The following GPC5 variants were observed in gnomAD, a reference collection of about 807,000 sequenced individuals.
The protein encoded by GPC5 is glypican 5.
In GPC5, 47 loss-of-function variants were observed where a neutral mutation model predicts 53.9. The observed-to-expected ratio is 0.87, with a 90% CI of 0.69 to 1.11. GPC5 has a LOEUF of 1.11. Ranked by LOEUF, GPC5 falls within the 50% of genes most tolerant of loss-of-function variation. The pLI is 0.00. For synonymous variants in GPC5, 286 were observed against 263.3 expected, an observed-to-expected ratio of 1.09 and a Z score of -0.84; for missense variants, 748 against 713.1, an observed-to-expected ratio of 1.05 and a Z score of -0.56.
At chr13:92,233,723 A>G (rs898688459) in intron 7 of GPC5, among the ~76,000 whole-genome samples, 4 of 152,174 alleles carry the variant, frequency 2.6e-5, no homozygotes, top group Non-Finnish European at 4.4e-5. Flanking sequence ...TGAGTTACAT[A>G]TGTATACATG....
At chr13:91,899,483 G>C (rs996628628) in intron 5 of GPC5, among the ~76,000 whole-genome samples, 7 of 151,992 alleles carry the variant, frequency 4.6e-5, no homozygotes, top group African/African-American at 1.2e-4. Context: ...GAAGTTCAAG[G>C]GAATATCTGT....
rs2040141240 is a variant in GPC5, at chr13:91,963,074, T to C, written c.1401+55017T>C. ...TGAATCCTGTTTCTACTGGTTACTA[T>C]GTGTCTTTGGGCAGTTACTTAATAT... On this transcript the variant is annotated intron_variant, in intron 6 of 7. Coordinates refer to ENST00000377067, the MANE Select transcript of GPC5 (RefSeq NM_004466.6). Among the ~76,000 whole-genome samples the C allele has an allele frequency of 2.0e-5, 3 of 152,166 alleles. No individual in the cohort carries two copies. In the South Asian group the frequency reaches 6.2e-4, roughly 31 times the overall value.
At chr13:92,816,021 A>C (rs1877460665) in intron 7 of GPC5, among the ~76,000 whole-genome samples, 1 of 151,878 alleles carries the variant, frequency 6.6e-6, no homozygotes, top group Non-Finnish European at 1.5e-5. Context: ...CAGAGCTATA[A>C]ATATAATTTG....
chr13:92,373,578 G>T (rs182496518), intron 7 of GPC5, among the ~76,000 whole-genome samples: 30 of 152,258 alleles, frequency 2.0e-4, no homozygotes, highest in Non-Finnish European at 2.9e-4. Flanking sequence ...TTGTTTTCTG[G>T]TAGATGCTTT....
intron 5 of GPC5, among the ~76,000 whole-genome samples, chr13:91,907,503 T>TATATATATATATATATATATA (rs2039566577): frequency 7.7e-6 from 1 of 129,554 alleles, no homozygotes; most frequent in African/African-American, 3.0e-5. Flanking sequence ...CTCTCTCTCT[T>TATATATATATATATATATATA]TATATATATA....
intron 7 of GPC5, among the ~76,000 whole-genome samples, chr13:92,628,264 C>CTTTTTTTTTTTTTTT (rs71123419): frequency 0.011 from 478 of 45,370 alleles, 46 homozygotes; most frequent in South Asian, 0.019. Flanking sequence ...CTTTTTCTTT[C>CTTTTTTTTTTTTTTT]TTTTTTTTTT....
At chr13:92,379,007 A>G (rs1344299434) in intron 7 of GPC5, among the ~76,000 whole-genome samples, 3 of 152,348 alleles carry the variant, frequency 2.0e-5, no homozygotes, top group East Asian at 1.9e-4. Flanking sequence ...TAATAAATGT[A>G]TAAAGGTGTG....
rs111448425 is a variant in GPC5, at chr13:92,106,246, T to A, written c.1402-38584T>A. ...TAAATATGTGAGGATCTCCTAAAAA[T>A]CTAAAAAAGATGGACCCCCAATTTC... is the stretch of plus-strand genomic sequence containing the variant. On this transcript the variant is annotated intron_variant, in intron 6 of 7. Transcript: ENST00000377067. Among the ~76,000 whole-genome samples, 511 of 151,922 alleles carry A rather than the reference T, an allele frequency of 3.4e-3. 2 individuals are homozygous for A. The highest frequency in any genetic ancestry group is 0.012 in the African/African-American group (488 of 41,480).
chr13:92,170,688 G>A (rs1357877496), intron 7 of GPC5, among the ~76,000 whole-genome samples: 1 of 152,040 alleles, frequency 6.6e-6, no homozygotes, highest in Non-Finnish European at 1.5e-5. Flanking sequence ...ACCTCCCAAA[G>A]TGCTGGGATT....
intron 3 of GPC5, among the ~76,000 whole-genome samples, chr13:91,728,097 A>G (rs2036613289): frequency 1.3e-5 from 2 of 152,182 alleles, no homozygotes; most frequent in South Asian, 4.1e-4. Flanking sequence ...AGAAAACTAC[A>G]AAGATATTTG....
chr13:92,641,382 AT>A (rs1885590002), intron 7 of GPC5, among the ~76,000 whole-genome samples: 1 of 152,174 alleles, frequency 6.6e-6, no homozygotes, highest in African/African-American at 2.4e-5. Context: ...ACTAGCCTGA[AT>A]TTTTCAAAAC....
Position 92,106,731 on chromosome 13 carries a change from G to A in GPC5, c.1402-38099G>A, listed in dbSNP as rs2041513410. On this transcript the variant is annotated intron_variant, in intron 6 of 7. Coordinates refer to ENST00000377067, the MANE Select transcript of GPC5 (RefSeq NM_004466.6). The stretch of plus-strand genomic sequence containing the variant: ...TCATGAGTTGTAGCACATTGTTTTT[G>A]GCCAAGGCTTCCATTCGCTCTATGG... Among the ~76,000 whole-genome samples, 3 of 151,952 alleles carry A rather than the reference G, an allele frequency of 2.0e-5. No homozygotes were observed. In the South Asian group the frequency reaches 6.2e-4, roughly 32 times the overall value.
At chr13:92,352,442 T>G (rs2139269409) in intron 7 of GPC5, among the ~76,000 whole-genome samples, 1 of 152,298 alleles carries the variant, frequency 6.6e-6, no homozygotes, top group South Asian at 2.1e-4. Context: ...GGTTACAAAC[T>G]TGGATAATTG....
intron 7 of GPC5, among the ~76,000 whole-genome samples, chr13:92,169,203 G>T (rs1194893613): frequency 6.6e-6 from 1 of 152,114 alleles, no homozygotes; most frequent in Admixed American, 6.6e-5. Flanking sequence ...GGAAGGGAGA[G>T]CATTGGGAAA....
At chr13:92,280,160 T>C (rs983764802) in intron 7 of GPC5, among the ~76,000 whole-genome samples, 1 of 152,152 alleles carries the variant, frequency 6.6e-6, no homozygotes, top group Non-Finnish European at 1.5e-5. Context: ...GTCTAGATTA[T>C]CTAATTTGTT....
chr13:91,912,261 A>G (rs1260936158), intron 6 of GPC5, among the ~76,000 whole-genome samples: 1 of 152,114 alleles, frequency 6.6e-6, no homozygotes, highest in Non-Finnish European at 1.5e-5. Flanking sequence ...TTCTTACTGT[A>G]AGAATAATGA....
intron 5 of GPC5, among the ~76,000 whole-genome samples, chr13:91,863,394 C>A (rs1256897453): frequency 6.6e-6 from 1 of 152,004 alleles, no homozygotes; most frequent in African/African-American, 2.4e-5. Flanking sequence ...TTTCTTTATT[C>A]TTTTTTGTTT....
chr13:92,382,497 C>G (rs1221367632), intron 7 of GPC5, among the ~76,000 whole-genome samples: 1 of 152,118 alleles, frequency 6.6e-6, no homozygotes, highest in Non-Finnish European at 1.5e-5. Context: ...TGCCCTGTTA[C>G]TGATCACCAT....
intron 1 of GPC5, among the ~76,000 whole-genome samples, chr13:91,431,432 T>C (rs1286357844): frequency 3.9e-5 from 6 of 152,230 alleles, no homozygotes; most frequent in African/African-American, 7.2e-5. Flanking sequence ...TAGCTATTCA[T>C]TGGGTCTCAG....
Sources: allele counts gnomAD v4.1 joint callset (sites outside exome capture counted in the v4.1 genomes callset), GRCh38; gene constraint gnomAD v4.1.1; transcripts MANE v1.5; gene names NCBI Gene and HGNC (gene_info 2026-07-23, HGNC 2026-07-21).